Variants in CNTN6 observed in about 807,000 individuals in gnomAD.
CNTN6 encodes the protein contactin-6.
CNTN6 carries 137 observed loss-of-function variants against 122.8 expected under a neutral mutation model. The observed-to-expected ratio is 1.12, with a 90% CI of 0.97 to 1.29. The LOEUF (loss-of-function observed/expected upper bound fraction) is 1.29, where lower values mean the gene tolerates loss of function less well. Ranked by LOEUF, CNTN6 falls within the 50% of genes most tolerant of loss-of-function variation. The pLI, the probability that CNTN6 is intolerant of heterozygous loss-of-function variation, is 0.00. For synonymous variants in CNTN6, 570 were observed against 426.0 expected (o/e 1.34, Z -4.16); for missense variants, 1,634 against 1,223.4 (o/e 1.34, Z -5.01).
At chr3:1,256,196 ATTTGC>A (rs1482423920) in intron 4 of CNTN6, among the ~76,000 whole-genome samples, 2 of 152,128 alleles carry the variant, frequency 1.3e-5, no homozygotes, top group African/African-American at 4.8e-5. Context: ...AATTAAAGTT[ATTTGC>A]TTTATCTGTA....
chr3:1,379,509 A>G (rs1393212499), intron 17 of CNTN6, among the ~76,000 whole-genome samples: 3 of 152,130 alleles, frequency 2.0e-5, no homozygotes, highest in Non-Finnish European at 2.9e-5. Flanking sequence ...TCATACCCCA[A>G]ACCTCAGCAT....
chr3:1,151,504 C>T (rs2092841860), intron 2 of CNTN6, among the ~76,000 whole-genome samples: 1 of 152,136 alleles, frequency 6.6e-6, no homozygotes, highest in Non-Finnish European at 1.5e-5. Flanking sequence ...GAAATTTCAT[C>T]TGGTTTATGC....
intron 1 of CNTN6, among the ~76,000 whole-genome samples, chr3:1,120,160 G>A (rs1278564296): frequency 6.6e-6 from 1 of 151,658 alleles, no homozygotes; most frequent in Non-Finnish European, 1.5e-5. Flanking sequence ...GGCTTATTAT[G>A]AATCAAATTC....
chr3:1,341,173 G>A (rs1703831802), intron 11 of CNTN6, among the ~76,000 whole-genome samples: 1 of 150,298 alleles, frequency 6.7e-6, no homozygotes. Context: ...AACTTTGGGA[G>A]CATAGTTTGT....
chr3:1,138,352 C>CT (rs554869288), intron 1 of CNTN6, among the ~76,000 whole-genome samples: 195 of 147,170 alleles, frequency 1.3e-3, no homozygotes, highest in East Asian at 3.6e-3. Flanking sequence ...TTATTCTCTG[C>CT]TTTTTTTTTT....
chr3:1,387,044 A>G (rs1560000697), intron 20 of CNTN6, among the ~76,000 whole-genome samples: 1 of 151,252 alleles, frequency 6.6e-6, no homozygotes, highest in Admixed American at 6.6e-5. Flanking sequence ...AATTCTGGGT[A>G]CATCATTGAC....
intron 7 of CNTN6, among the ~76,000 whole-genome samples, chr3:1,312,228 A>C (rs1699443260): frequency 6.6e-6 from 1 of 151,980 alleles, no homozygotes. Flanking sequence ...AGTTTTTGAA[A>C]ATTTTTTTTT....
At chr3:1,103,548 A>T (rs1343655041) in intron 1 of CNTN6, among the ~76,000 whole-genome samples, 1 of 152,194 alleles carries the variant, frequency 6.6e-6, no homozygotes, top group Non-Finnish European at 1.5e-5. Context: ...TGTCATGCAG[A>T]TGTACGGAGT....
At chr3:1,276,987 C>A (rs1444975728) in intron 4 of CNTN6, among the ~76,000 whole-genome samples, 1 of 152,142 alleles carries the variant, frequency 6.6e-6, no homozygotes, top group Non-Finnish European at 1.5e-5. Flanking sequence ...GGATCAGGAA[C>A]ATCAAAATTT....
intron 5 of CNTN6, among the ~76,000 whole-genome samples, chr3:1,284,164 C>G (rs1394682035): frequency 6.6e-6 from 1 of 152,174 alleles, no homozygotes; most frequent in African/African-American, 2.4e-5. Context: ...TCATCTGTGT[C>G]TGTAGCAGGA....
rs560526833 is a variant in CNTN6, at chr3:1,359,015, A to G, written c.1492+6564A>G. 2.6e-5 allele frequency among the ~76,000 whole-genome samples: 4 copies of G among 152,188 alleles called. No homozygotes were observed. The East Asian group carries it at 7.8e-4, about 30-fold the overall frequency. On this transcript the variant is annotated intron_variant, in intron 12 of 22. Coordinates refer to ENST00000446702, the MANE Select transcript of CNTN6 (RefSeq NM_001289080.2). ...TTCAAGATTGCAGTGAGCTATGATC[A>G]TGCCACTGTACTCCAGCCTAGGCAA...
intron 2 of CNTN6, among the ~76,000 whole-genome samples, chr3:1,172,730 G>A (rs1393233608): frequency 6.6e-6 from 1 of 151,984 alleles, no homozygotes; most frequent in African/African-American, 2.4e-5. Flanking sequence ...ATGTCCCAGT[G>A]GATCACATAT....
intron 1 of CNTN6, among the ~76,000 whole-genome samples, chr3:1,142,019 C>T (rs923916472): frequency 6.6e-6 from 1 of 152,098 alleles, no homozygotes; most frequent in Non-Finnish European, 1.5e-5. Context: ...GGATAACTCT[C>T]ATTGTCTCTC....
chr3:1,329,976 T>G, intron 11 of CNTN6, 41 bp downstream of exon 11: 2 of 1,437,542 alleles, frequency 1.4e-6, no homozygotes, highest in Non-Finnish European at 1.8e-6. Flanking sequence ...TTGTTTGTAA[T>G]ATAACATCTT....
chr3:1,308,322 T>C (rs1434705324), intron 7 of CNTN6, among the ~76,000 whole-genome samples: 10 of 149,378 alleles, frequency 6.7e-5, no homozygotes, highest in Non-Finnish European at 1.0e-4. Flanking sequence ...TGTGTGTGTG[T>C]GCACCTGTTA....
chr3:1,223,846 T>C, intron 3 of CNTN6, among the ~76,000 whole-genome samples: 1 of 152,218 alleles, frequency 6.6e-6, no homozygotes, highest in Admixed American at 6.5e-5. Context: ...ATAATAGTAG[T>C]GACTCTGCCC....
intron 20 of CNTN6, among the ~76,000 whole-genome samples, chr3:1,386,483 T>G (rs1692957502): frequency 6.6e-6 from 1 of 152,210 alleles, no homozygotes; most frequent in Non-Finnish European, 1.5e-5. Context: ...GTTTTTCATC[T>G]TTTGGTGATT....
In CNTN6 at chr3:1,387,692, T is replaced by C. The variant is rs567613800; in HGVS notation, c.2704+1895T>C. Among the ~76,000 whole-genome samples the C allele has an allele frequency of 3.9e-3, 596 of 152,214 alleles. 3 individuals are homozygous for C. The highest frequency in any genetic ancestry group is 0.012 in the African/African-American group (515 of 41,522). On this transcript the variant is annotated intron_variant, in intron 20 of 22. Transcript: ENST00000446702. ...GGGGGTGCCAGACAGTGGGCGCAGGTCAGTGGGTGAGCGCACCGTGCGCAA... is the reference window on the plus strand; with the variant it reads ...GGGGGTGCCAGACAGTGGGCGCAGGCCAGTGGGTGAGCGCACCGTGCGCAA...
chr3:1,152,782 T>G (rs553267128), intron 2 of CNTN6, among the ~76,000 whole-genome samples: 8 of 152,360 alleles, frequency 5.3e-5, no homozygotes, highest in Non-Finnish European at 1.2e-4. Flanking sequence ...GTGCTATATC[T>G]GTTCTTATGA....
Sources: gnomAD v4.1 joint callset for allele counts (sites outside exome capture counted in the v4.1 genomes callset) on GRCh38, gnomAD v4.1.1 for gene constraint, MANE v1.5 for transcripts, NCBI Gene and HGNC (gene_info 2026-07-23, HGNC 2026-07-21) for gene names.